Variants in PTPN13 observed in about 807,000 individuals in gnomAD.
PTPN13 encodes tyrosine-protein phosphatase non-receptor type 13.
PTPN13 carries 191 observed loss-of-function variants against 284.0 expected under a neutral mutation model. The observed-to-expected ratio is 0.67, with a 90% CI of 0.60 to 0.76. The LOEUF (loss-of-function observed/expected upper bound fraction) is 0.76. Ranked by LOEUF, PTPN13 falls within the 30% of genes least tolerant of loss-of-function variation. The pLI, the probability that PTPN13 is intolerant of heterozygous loss-of-function variation, is 0.00. For synonymous variants in PTPN13, 986 were observed against 1,022.3 expected, an observed-to-expected ratio of 0.96 and a Z score of 0.68; for missense variants, 2,797 against 2,939.9, an observed-to-expected ratio of 0.95 and a Z score of 1.12.
intron 15 of PTPN13, 125 bp from the exon 16 acceptor site, chr4:86,741,509 A>G: frequency 1.2e-6 from 1 of 822,290 alleles, no homozygotes; most frequent in South Asian, 1.8e-5. Flanking sequence ...GGTCTCTCCC[A>G]TAACATGTGG....
intron 42 of PTPN13, among the ~76,000 whole-genome samples, chr4:86,799,825 C>CT (rs925434357): frequency 0.038 from 3,163 of 83,238 alleles, 626 homozygotes; most frequent in East Asian, 0.16. Context: ...TCAAGGGGCA[C>CT]TTTTTTTTTT....
chr4:86,705,517 C>G (rs939263686), intron 7 of PTPN13, among the ~76,000 whole-genome samples: 17 of 152,022 alleles, frequency 1.1e-4, no homozygotes, highest in Non-Finnish European at 2.5e-4. Flanking sequence ...CTGTAAATAT[C>G]AATGTATACA....
At chr4:86,715,533 G>A (rs778601145) in intron 7 of PTPN13, among the ~76,000 whole-genome samples, 5 of 151,986 alleles carry the variant, frequency 3.3e-5, no homozygotes, top group Admixed American at 6.6e-5. Context: ...CCAGCACTGC[G>A]GTAAGCTATG....
intron 3 of PTPN13, among the ~76,000 whole-genome samples, chr4:86,686,358 A>T (rs1729455903): frequency 6.6e-6 from 1 of 152,076 alleles, no homozygotes; most frequent in Non-Finnish European, 1.5e-5. Context: ...CTGCCTCAAA[A>T]AAAAAAAGCA....
intron 20 of PTPN13, among the ~76,000 whole-genome samples, chr4:86,756,705 A>C (rs992019559): frequency 6.6e-6 from 1 of 152,176 alleles, no homozygotes; most frequent in African/African-American, 2.4e-5. Flanking sequence ...ATGAAGTATC[A>C]CATTTACATC....
Position 86,784,472 on chromosome 4 carries a change from G to A in PTPN13, c.6032G>A (p.Gly2011Glu). 6.2e-7 allele frequency: 1 copy of A among 1,602,528 alleles called. No individual in the cohort carries two copies. Among genetic ancestry groups the A allele is most frequent in the Non-Finnish European group, 8.5e-7 (1 of 1,175,650 alleles). The change falls in exon 38 of 48, where the codon GGG becomes GAG. Residue 2011 changes from glycine to glutamate, a missense_variant. By Grantham distance (98) the Gly-to-Glu change is moderately conservative. Transcript: ENST00000411767. The stretch of plus-strand genomic sequence containing the variant: ...TTTGGTTTTATGCTTTAGGTTGCTG[G>A]GGAAGAAATAAATGAAATATCGTAC... ...TPNDSFSTVA[G>E]EEINEISYPK...
At chr4:86,667,959 A>G (rs956321784) in intron 2 of PTPN13, among the ~76,000 whole-genome samples, 2 of 152,214 alleles carry the variant, frequency 1.3e-5, no homozygotes, top group African/African-American at 4.8e-5. Context: ...GGAAATGGCA[A>G]GAACCCTCAG....
chr4:86,712,062 A>T (rs1732481881), intron 7 of PTPN13, among the ~76,000 whole-genome samples: 1 of 152,106 alleles, frequency 6.6e-6, no homozygotes, highest in Non-Finnish European at 1.5e-5. Flanking sequence ...AAGATTCATT[A>T]TACTCTTTAT....
chr4:86,686,699 T>G lies in PTPN13; in HGVS notation c.295-11T>G. On this transcript the variant is annotated splice_polypyrimidine_tract_variant and intron_variant, in intron 3 of 47. Transcript: ENST00000411767. ...TATCATAAAATTATTTCTTAAAAAT[T>G]CTATTCCTAGATCCACATTTATTCT... The G allele has an allele frequency of 1.3e-6, 2 of 1,513,678 alleles. No homozygotes were observed. Among genetic ancestry groups the G allele is most frequent in the Non-Finnish European group, 9.0e-7 (1 of 1,115,518 alleles). 93.8% of individuals were successfully genotyped at this position (1,513,678 alleles called of 1,614,324 possible).
Position 86,732,692 on chromosome 4 carries a change from A to G in PTPN13, c.1784A>G (p.Lys595Arg), listed in dbSNP as rs1415245071. The G allele has an allele frequency of 6.2e-7, 1 of 1,613,696 alleles. No individual in the cohort carries two copies. The highest frequency in any genetic ancestry group is 2.2e-5 in the East Asian group (1 of 44,822). ...ACCTGTGATACCAAAACTATATGTA[A>G]AGATGTGTTTGATATGGTTGTGGCA... is the stretch of plus-strand genomic sequence containing the variant. ...ELTCDTKTIC[K>R]DVFDMVVAHI... The change falls in exon 12 of 48, where the codon AAA (lysine) becomes AGA (arginine). Residue 595 changes from lysine (K) to arginine (R), a missense_variant. Physicochemically the swap from Lys to Arg is conservative, Grantham distance 26. Transcript: ENST00000411767.
At chr4:86,722,476 CACAGGGA>C in intron 10 of PTPN13, 42 bp downstream of exon 10, 1 of 1,527,836 alleles carries the variant, frequency 6.5e-7, no homozygotes, top group Admixed American at 1.7e-5. Context: ...AACCTGCTCT[CACAGGGA>C]ACTCTTGGGC....
Position 86,693,218 on chromosome 4 carries a change from T to G in PTPN13, c.547-369T>G, listed in dbSNP as rs562093294. The stretch of plus-strand genomic sequence containing the variant: ...AAGCTTTATTATACCAAAATTAATG[T>G]GGTTTTTAAATTATAAACTAACTTA... On this transcript the variant is annotated intron_variant, in intron 5 of 47. Coordinates refer to ENST00000411767, the MANE Select transcript of PTPN13 (RefSeq NM_080683.3). Among the ~76,000 whole-genome samples the G allele has an allele frequency of 1.3e-4, 20 of 152,236 alleles. No individual in the cohort carries two copies. In the South Asian group the frequency reaches 4.1e-3, roughly 32 times the overall value.
In PTPN13 at chr4:86,769,795, A is replaced by T; in HGVS notation, c.4516A>T (p.Lys1506Ter). The T allele has an allele frequency of 6.3e-7, 1 of 1,598,904 alleles. No individual in the cohort carries two copies. The highest frequency in any genetic ancestry group is 8.5e-7 in the Non-Finnish European group (1 of 1,174,816). The change falls in exon 29 of 48, where the codon AAA becomes TAA. Residue 1506 changes from lysine (K) to a stop codon, truncating the protein, a stop_gained. Coordinates refer to ENST00000411767, the MANE Select transcript of PTPN13 (RefSeq NM_080683.3). LOFTEE classifies it high-confidence loss of function. The stretch of plus-strand genomic sequence containing the variant: ...AAATACATTTGAGGTAAAATTATTT[A>T]AAAATAGCTCAGGTCTAGGATTCAG... The part of the protein sequence containing the change: ...EENTFEVKLF[K>*]NSSGLGFSFS...
intron 25 of PTPN13, among the ~76,000 whole-genome samples, chr4:86,765,095 C>A (rs1181784414): frequency 6.6e-6 from 1 of 152,106 alleles, no homozygotes; most frequent in Non-Finnish European, 1.5e-5. Flanking sequence ...TTTCTGTATA[C>A]TCTCCATAAT....
chr4:86,769,323 G>T (rs543193338), intron 28 of PTPN13, among the ~76,000 whole-genome samples: 1 of 150,954 alleles, frequency 6.6e-6, no homozygotes, highest in African/African-American at 2.4e-5. Context: ...GTCTGTTATC[G>T]TACTCTGTTT....
chr4:86,609,933 A>G (rs1275092546), intron 1 of PTPN13, among the ~76,000 whole-genome samples: 1 of 152,140 alleles, frequency 6.6e-6, no homozygotes, highest in African/African-American at 2.4e-5. Flanking sequence ...TTTTAAAAAC[A>G]TGTTTGTTTT....
At chr4:86,764,275 A>G (rs968609064) in intron 24 of PTPN13, among the ~76,000 whole-genome samples, 1 of 152,186 alleles carries the variant, frequency 6.6e-6, no homozygotes, top group Non-Finnish European at 1.5e-5. Context: ...TCCATCTGCC[A>G]TATCTAGCAG....
rs78861776 is a variant in PTPN13, at chr4:86,605,140, G to A, written c.-6+10351G>A. 2.9e-3 allele frequency among the ~76,000 whole-genome samples: 448 copies of A among 152,018 alleles called. 7 individuals carry two copies. In the East Asian group the frequency reaches 0.052, roughly 18 times the overall value. On this transcript the variant is annotated intron_variant, in intron 1 of 47. Transcript: ENST00000411767. ...ACCTGTCAAAGTGAGAAAAGGATGA[G>A]GACAGAGAAGGGAGTGCCTAAGAAA...
intron 2 of PTPN13, among the ~76,000 whole-genome samples, chr4:86,640,721 G>C (rs1461285731): frequency 6.6e-6 from 1 of 152,080 alleles, no homozygotes; most frequent in Non-Finnish European, 1.5e-5. Context: ...GTTTTTCCTT[G>C]TTTCACATTT....
Sources: allele counts gnomAD v4.1 joint callset (sites outside exome capture counted in the v4.1 genomes callset), GRCh38; gene constraint gnomAD v4.1.1; transcripts MANE v1.5; gene names NCBI Gene and HGNC (gene_info 2026-07-23, HGNC 2026-07-21).